The following SMAD2 variants were observed in gnomAD, a reference collection of about 807,000 sequenced individuals.
SMAD2 encodes SMAD family member 2.
Under a neutral mutation model 64.4 loss-of-function variants are expected in SMAD2, and 8 were observed. The ratio of observed to expected loss-of-function variants is 0.12; its 90% CI spans 0.07 to 0.22. The LOEUF (loss-of-function observed/expected upper bound fraction) is 0.22, where lower values mean the gene tolerates loss of function less well. Among genes scored for constraint, SMAD2 ranks in the 10% least tolerant of loss-of-function variants. The pLI is 1.00. For missense variants in SMAD2, 289 were observed against 561.2 expected, an observed-to-expected ratio of 0.51 and a Z score of 4.90; for synonymous variants, 203 against 195.8, an observed-to-expected ratio of 1.04 and a Z score of -0.31.
chr18:47,810,149 G>A lies in SMAD2; in HGVS notation c.*31678C>T, dbSNP rs1037623072. 2.6e-5 allele frequency: 4 copies of A among 152,144 alleles called. No homozygotes were observed. The highest frequency in any genetic ancestry group is 5.9e-5 in the Non-Finnish European group (4 of 68,038). The allele number at this position is 152,144 out of a possible 1,614,324, so 9.4% of individuals were successfully genotyped here. Reference sequence around the variant, plus strand: ...ATACCACAGCCCAGGTAGCCAGCCTGGGAAATGGTTTCTCATACTGCAAAG... The same window carrying A: ...ATACCACAGCCCAGGTAGCCAGCCTAGGAAATGGTTTCTCATACTGCAAAG... On this transcript the variant is annotated 3_prime_UTR_variant, in exon 11 of 11. Coordinates refer to ENST00000262160, the MANE Select transcript of SMAD2 (RefSeq NM_005901.6).
intron 2 of SMAD2, chr18:47,895,488 G>A (rs2033397920): frequency 6.6e-6 from 1 of 152,170 alleles, no homozygotes; most frequent in South Asian, 2.1e-4. Context: ...CTATCCCTTA[G>A]GAAGGCAGGA....
At chr18:47,928,256 CA>C (rs1204001433) in intron 1 of SMAD2, among the ~76,000 whole-genome samples, 5 of 152,280 alleles carry the variant, frequency 3.3e-5, no homozygotes, top group African/African-American at 9.6e-5. Flanking sequence ...ACAAAACCAA[CA>C]GAATCAAAAC....
intron 8 of SMAD2, 35 bp downstream of exon 8, chr18:47,848,440 C>T (rs751327826): frequency 4.1e-6 from 6 of 1,461,876 alleles, no homozygotes; most frequent in Middle Eastern, 1.8e-4. Context: ...GAGTATACAG[C>T]ATTTATTTTT....
intron 6 of SMAD2, among the ~76,000 whole-genome samples, chr18:47,854,463 C>G (rs1357278864): frequency 6.6e-6 from 1 of 152,206 alleles, no homozygotes; most frequent in African/African-American, 2.4e-5. Flanking sequence ...ATGTTGACAT[C>G]TGCCAATATG....
In SMAD2 at chr18:47,838,222, T is replaced by C. The variant is rs1913619690; in HGVS notation, c.*3605A>G. 2 of 233,190 alleles carry C rather than the reference T, an allele frequency of 8.6e-6. No individual in the cohort carries two copies. Among genetic ancestry groups the C allele is most frequent in the South Asian group, 3.6e-4 (2 of 5,526 alleles). The allele number at this position is 233,190 out of a possible 1,614,324, so 14.4% of individuals were successfully genotyped here. A position where few individuals can be genotyped will look rare whatever the true frequency, so the allele number is the denominator to read the frequency against. On this transcript the variant is annotated 3_prime_UTR_variant, in exon 11 of 11. Coordinates refer to ENST00000262160, the MANE Select transcript of SMAD2 (RefSeq NM_005901.6). Reference sequence around the variant, plus strand: ...TAACAAAAGGGAAAGCATTTGACAGTGTTTAAAAGACAGACAAATCAAGCA... The same window carrying C: ...TAACAAAAGGGAAAGCATTTGACAGCGTTTAAAAGACAGACAAATCAAGCA...
intron 1 of SMAD2, among the ~76,000 whole-genome samples, chr18:47,907,321 G>A (rs765434895): frequency 1.3e-5 from 2 of 152,096 alleles, no homozygotes; most frequent in Non-Finnish European, 2.9e-5. Flanking sequence ...TCATAAAAAG[G>A]AATACTGCTC....
In SMAD2 at chr18:47,828,356, G is replaced by C. The variant is rs1235254758; in HGVS notation, c.*13471C>G. ...AGCATCCACCCCGTCCGGGAGGTGG[G>C]GGGGCGCCTCTGCCCAGCCGCCCCG... is the stretch of plus-strand genomic sequence containing the variant. On this transcript the variant is annotated 3_prime_UTR_variant, in exon 11 of 11. Coordinates refer to ENST00000262160, the MANE Select transcript of SMAD2 (RefSeq NM_005901.6). 2 of 154,914 alleles carry C rather than the reference G, an allele frequency of 1.3e-5. No homozygotes were observed. The highest frequency in any genetic ancestry group is 1.3e-4 in the Admixed American group (2 of 15,070). 9.6% of individuals were successfully genotyped at this position (154,914 alleles called of 1,614,324 possible).
intron 2 of SMAD2, among the ~76,000 whole-genome samples, chr18:47,885,460 G>A (rs1489933576): frequency 6.6e-6 from 1 of 152,006 alleles, no homozygotes; most frequent in Non-Finnish European, 1.5e-5. Context: ...GAGCCACCGT[G>A]TCTGGCCAAT....
rs1175031362 is a variant in SMAD2 at position 47,840,027 on chromosome 18, C to T, written c.*1800G>A. On this transcript the variant is annotated 3_prime_UTR_variant, in exon 11 of 11. Coordinates refer to ENST00000262160, the MANE Select transcript of SMAD2 (RefSeq NM_005901.6). ...CAGGAACTGTAGTTGTCTTGTTCAC[C>T]TTTACCCAAAGACTAAGAAAAGTTC... is the stretch of plus-strand genomic sequence containing the variant. 8.6e-6 allele frequency: 2 copies of T among 233,032 alleles called. No individual in the cohort carries two copies. Among genetic ancestry groups the T allele is most frequent in the African/African-American group, 4.4e-5 (2 of 45,326 alleles). 14.4% of individuals were successfully genotyped at this position (233,032 alleles called of 1,614,324 possible). A position where few individuals can be genotyped will look rare whatever the true frequency, so the allele number is the denominator to read the frequency against.
At chr18:47,851,651 C>G (rs891313981) in intron 6 of SMAD2, among the ~76,000 whole-genome samples, 5 of 152,014 alleles carry the variant, frequency 3.3e-5, no homozygotes, top group African/African-American at 4.8e-5. Context: ...CATTTTTGTT[C>G]TGTGTCCTTT....
intron 10 of SMAD2, among the ~76,000 whole-genome samples, chr18:47,844,487 T>C (rs1046984437): frequency 3.9e-5 from 6 of 152,214 alleles, no homozygotes; most frequent in African/African-American, 1.4e-4. Context: ...ATCCAATCTA[T>C]TGTTTAATTC....
rs372518469 is a variant in SMAD2 at position 47,897,307 on chromosome 18, G to T, written c.-53-498C>A. On this transcript the variant is annotated intron_variant, in intron 1 of 10. Transcript: ENST00000262160. ...AAAGTGTGAAGTAATCAAGAATAAA[G>T]AAATAAACATGGCAAACAGAGTCCG... Among the ~76,000 whole-genome samples the T allele has an allele frequency of 3.3e-5, 5 of 152,186 alleles. No homozygotes were observed. In the East Asian group the frequency reaches 7.7e-4, roughly 23 times the overall value.
chr18:47,849,453 G>T (rs1275158361), intron 7 of SMAD2, among the ~76,000 whole-genome samples: 1 of 148,306 alleles, frequency 6.7e-6, no homozygotes, highest in Non-Finnish European at 1.5e-5. Flanking sequence ...GGTAAAATGA[G>T]GGCAAAAATA....
chr18:47,891,227 C>G (rs1463174754), intron 2 of SMAD2, among the ~76,000 whole-genome samples: 2 of 152,156 alleles, frequency 1.3e-5, no homozygotes, highest in Non-Finnish European at 1.5e-5. Context: ...ATCGCTTGAA[C>G]CTGGGAGGCG....
chr18:47,854,649 T>A (rs559690252), intron 6 of SMAD2, among the ~76,000 whole-genome samples: 42 of 145,254 alleles, frequency 2.9e-4, no homozygotes, highest in Middle Eastern at 7.0e-3. Flanking sequence ...GGTTTTTTTT[T>A]AAAAAAAATC....
At chr18:47,910,171 G>GAA (rs34177639) in intron 1 of SMAD2, among the ~76,000 whole-genome samples, 6 of 141,270 alleles carry the variant, frequency 4.2e-5, no homozygotes, top group Admixed American at 7.0e-5. Context: ...TGTGGATATG[G>GAA]AAAAAAAAAA....
intron 2 of SMAD2, among the ~76,000 whole-genome samples, chr18:47,891,232 G>A (rs1296051998): frequency 1.3e-5 from 2 of 152,200 alleles, no homozygotes; most frequent in African/African-American, 4.8e-5. Context: ...TTGAACCTGG[G>A]AGGCGGAAGT....
chr18:47,896,107 G>A (rs1334840827), intron 2 of SMAD2, among the ~76,000 whole-genome samples: 3 of 152,204 alleles, frequency 2.0e-5, no homozygotes, highest in Middle Eastern at 6.3e-3. Context: ...AAGCAATGCT[G>A]CAACGCAAAG....
rs1913724333 is a variant in SMAD2 at position 47,839,273 on chromosome 18, T to C, written c.*2554A>G. 8.6e-6 allele frequency: 2 copies of C among 233,272 alleles called. No individual in the cohort carries two copies. Among genetic ancestry groups the C allele is most frequent in the African/African-American group, 2.2e-5 (1 of 45,320 alleles). 14.5% of individuals were successfully genotyped at this position (233,272 alleles called of 1,614,324 possible). On this transcript the variant is annotated 3_prime_UTR_variant, in exon 11 of 11. Transcript: ENST00000262160. ...GGCACTGCTTGACCTAACACAGTAATGCAAGAGTAACCACCAAGATCAGGA... is the reference window on the plus strand; with the variant it reads ...GGCACTGCTTGACCTAACACAGTAACGCAAGAGTAACCACCAAGATCAGGA...
Sources: gnomAD v4.1 joint callset for allele counts (sites outside exome capture counted in the v4.1 genomes callset) on GRCh38, gnomAD v4.1.1 for gene constraint, MANE v1.5 for transcripts, NCBI Gene and HGNC (gene_info 2026-07-23, HGNC 2026-07-21) for gene names.